HMCN2: variants seen among roughly 807,000 people sequenced by gnomAD.
HMCN2 encodes the protein hemicentin 2, also known as hemicentin-2.
Under a neutral mutation model 377.5 loss-of-function variants are expected in HMCN2, and 325 were observed. The ratio of observed to expected loss-of-function variants is 0.86; its 90% confidence interval spans 0.79 to 0.94. HMCN2 has a LOEUF of 0.94. Among genes scored for constraint, HMCN2 ranks in the 40% least tolerant of loss-of-function variants. The pLI is 0.00. For missense variants in HMCN2, 4,543 were observed against 4,725.3 expected (o/e 0.96, Z 1.13); for synonymous variants, 2,007 against 2,046.8 (o/e 0.98, Z 0.53).
At chr9:130,323,960 C>A (rs1211601465) in intron 19 of HMCN2, among the ~76,000 whole-genome samples, 1 of 152,222 alleles carries the variant, frequency 6.6e-6, no homozygotes, top group Non-Finnish European at 1.5e-5. Context: ...CCTCAGCCTC[C>A]CCAAGTGCTG....
At chr9:130,266,735 C>T (rs567491067) in intron 1 of HMCN2, among the ~76,000 whole-genome samples, 19 of 152,334 alleles carry the variant, frequency 1.2e-4, no homozygotes, top group Middle Eastern at 3.4e-3. Context: ...CCCGTGGCCT[C>T]CACCTGCTGT....
chr9:130,380,843 CT>C (rs1841676753), intron 54 of HMCN2, among the ~76,000 whole-genome samples: 2 of 151,664 alleles, frequency 1.3e-5, no homozygotes, highest in African/African-American at 4.8e-5. Flanking sequence ...GAGTGCAACT[CT>C]TACTGAACAC....
rs892856622 is a variant in HMCN2 at position 130,299,071 on chromosome 9, C to T, written c.1059C>T (p.Pro353=). 4 of 470,954 alleles carry T rather than the reference C, an allele frequency of 8.5e-6. No homozygotes were observed. The highest frequency in any genetic ancestry group is 6.9e-5 in the East Asian group (1 of 14,410). The allele number at this position is 470,954 out of a possible 1,614,324, so 29.2% of individuals were successfully genotyped here. Residue 353 remains proline (P), a synonymous_variant, in exon 8 of 98, where the codon CCC becomes CCT. Transcript: ENST00000683500. The stretch of plus-strand genomic sequence containing the variant: ...TCAATTCCACGGGCCTGAAGGCACC[C>T]GGCCGCCTAGACTCGGTGGAGCTGG... ...LVINSTGLKA[P]GRLDSVELAQ...
At chr9:130,362,337 T>C (rs1474012669) in intron 39 of HMCN2, among the ~76,000 whole-genome samples, 172 bp downstream of exon 39, 1 of 152,180 alleles carries the variant, frequency 6.6e-6, no homozygotes, top group Non-Finnish European at 1.5e-5. Flanking sequence ...TGCCCAATGG[T>C]AACGATACAT....
rs1328259976 is a variant in HMCN2 at position 130,382,780 on chromosome 9, G to A, written c.8647G>A (p.Val2883Met). 1.1e-5 allele frequency: 11 copies of A among 985,782 alleles called. No homozygotes were observed. The highest frequency in any genetic ancestry group is 6.2e-5 in the Admixed American group (1 of 16,254). The allele number at this position is 985,782 out of a possible 1,614,324, so 61.1% of individuals were successfully genotyped here. ...SLQCPALGNP[V>M]PTISWLQNGL... ...GCAGTGCCCGGCCCTGGGAAACCCC[G>A]TGCCCACCATCTCATGGCTCCAGAA... Residue 2883 changes from valine (V) to methionine (M), a missense_variant, in exon 56 of 98, where the codon GTG becomes ATG. Val to Met is a conservative substitution (Grantham distance 21). Around this residue, in one of 5 missense-constraint regions of HMCN2, gnomAD observed 736 missense variants for 773.2 expected, o/e 0.95. Coordinates refer to ENST00000683500, the MANE Select transcript of HMCN2 (RefSeq NM_001291815.2).
chr9:130,413,463 AATAGGTTTGTGGTC>A (rs1221925753), intron 85 of HMCN2, among the ~76,000 whole-genome samples: 1 of 152,038 alleles, frequency 6.6e-6, no homozygotes, highest in Admixed American at 6.6e-5. Flanking sequence ...TCATGCATGG[AATAGGTTTGTGGTC>A]CAGACAAGAT....
Position 130,325,093 on chromosome 9 carries a change from CTTCT to C in HMCN2, c.2921-499_2921-496del, listed in dbSNP as rs1430181483. On this transcript the variant is annotated intron_variant, in intron 19 of 97. Transcript: ENST00000683500. ...TTTGTCTTTTCTTCTTCTTCTTCTT[CTTCT>C]TTTTTTTTTTTTTTGTAGACAAGAG... Among the ~76,000 whole-genome samples, 8 of 74,744 alleles carry C rather than the reference CTTCT, an allele frequency of 1.1e-4. No individual in the cohort carries two copies. The East Asian group carries it at 2.8e-3, about 26-fold the overall frequency. 49.0% of individuals were successfully genotyped at this position (74,744 alleles called of 152,430 possible).
At chr9:130,289,542 A>T (rs1835626157) in intron 4 of HMCN2, among the ~76,000 whole-genome samples, 1 of 151,956 alleles carries the variant, frequency 6.6e-6, no homozygotes, top group African/African-American at 2.4e-5. Flanking sequence ...ACAGTCCTCA[A>T]CCTCTCTGGG....
intron 1 of HMCN2, among the ~76,000 whole-genome samples, chr9:130,281,485 C>A (rs1835116842): frequency 6.6e-6 from 1 of 151,866 alleles, no homozygotes; most frequent in South Asian, 2.1e-4. Context: ...GTAATCCCAG[C>A]TACTTGGAAG....
intron 15 of HMCN2, among the ~76,000 whole-genome samples, chr9:130,313,609 C>CA (rs1837387683): frequency 6.6e-6 from 1 of 151,546 alleles, no homozygotes; most frequent in South Asian, 2.1e-4. Context: ...CACCCCCCCC[C>CA]ATAAACCTGT....
intron 13 of HMCN2, 44 bp downstream of exon 13, chr9:130,306,982 TC>T (rs1291412056): frequency 6.9e-6 from 3 of 434,228 alleles, no homozygotes; most frequent in Admixed American, 2.5e-5. Flanking sequence ...AGGGCCTCCT[TC>T]CCTCCCTCCT....
chr9:130,327,797 C>T (rs1381389221), intron 22 of HMCN2, among the ~76,000 whole-genome samples: 1 of 152,174 alleles, frequency 6.6e-6, no homozygotes, highest in East Asian at 1.9e-4. Flanking sequence ...GTGAGCTGCT[C>T]GCCATCACCC....
rs367807486 is a variant in HMCN2 at position 130,392,022 on chromosome 9, G to A, written c.10040G>A (p.Arg3347Gln). 8.0e-5 allele frequency: 79 copies of A among 988,356 alleles called. No homozygotes were observed. The East Asian group carries it at 1.5e-3, about 18-fold the overall frequency. The allele number at this position is 988,356 out of a possible 1,614,324, so 61.2% of individuals were successfully genotyped here. A position where few individuals can be genotyped will look rare whatever the true frequency, so the allele number is the denominator to read the frequency against. ...CTGGTGACCATGGTGTGCCCTGTGC[G>A]GGGCTCCCCGCCCATCCACGTGAGC... ...GELVTMVCPV[R>Q]GSPPIHVSWL... is the part of the protein sequence containing the mutation. Residue 3347 changes from arginine to glutamine, a missense_variant, in exon 66 of 98, where the codon CGG becomes CAG. Physicochemically the swap from Arg to Gln is conservative, Grantham distance 43. Transcript: ENST00000683500.
intron 90 of HMCN2, among the ~76,000 whole-genome samples, chr9:130,427,027 C>T (rs1320163785): frequency 2.0e-5 from 3 of 152,216 alleles, no homozygotes; most frequent in East Asian, 3.9e-4. Context: ...CCGTTTTGCA[C>T]GTGTTGACCT....
intron 1 of HMCN2, among the ~76,000 whole-genome samples, chr9:130,278,186 G>A (rs1247250172): frequency 2.0e-5 from 3 of 152,012 alleles, no homozygotes; most frequent in East Asian, 1.9e-4. Context: ...GTGCAGTGGC[G>A]CGATCTCAGC....
chr9:130,395,177 CCT>C (rs1356845871), intron 70 of HMCN2, 32 bp from the exon 71 acceptor site: 2 of 1,284,030 alleles, frequency 1.6e-6, no homozygotes, highest in Admixed American at 2.3e-5. Context: ...GGTGAGTCCC[CCT>C]CTCATATCCT....
intron 49 of HMCN2, among the ~76,000 whole-genome samples, chr9:130,374,949 G>A (rs1018887495): frequency 6.6e-6 from 1 of 152,188 alleles, no homozygotes; most frequent in African/African-American, 2.4e-5. Context: ...CATTGATGAA[G>A]CCCTGAGGCT....
At chr9:130,271,387 T>C (rs1834397825) in intron 1 of HMCN2, among the ~76,000 whole-genome samples, 1 of 148,864 alleles carries the variant, frequency 6.7e-6, no homozygotes, top group South Asian at 2.2e-4. Context: ...ATGAGAGTTG[T>C]CTCTTCTGCT....
At chr9:130,383,236 C>T (rs1841826024) in intron 56 of HMCN2, among the ~76,000 whole-genome samples, 1 of 150,728 alleles carries the variant, frequency 6.6e-6, no homozygotes. Context: ...CCCTGGGAGC[C>T]CAACACACAC....
Sources: allele counts gnomAD v4.1 joint callset (sites outside exome capture counted in the v4.1 genomes callset), GRCh38; gene constraint gnomAD v4.1.1; regional missense constraint gnomAD v4.1.1; transcripts MANE v1.5; gene names NCBI Gene and HGNC (gene_info 2026-07-23, HGNC 2026-07-21).